The following USP15 variants were observed in gnomAD, a reference collection of about 807,000 sequenced individuals.
USP15 encodes the protein ubiquitin specific peptidase 15, also known as ubiquitin carboxyl-terminal hydrolase 15.
USP15 carries 18 observed loss-of-function variants against 127.1 expected under a neutral mutation model. The observed-to-expected ratio is 0.14, with a 90% CI of 0.10 to 0.21. USP15 has a LOEUF of 0.21. Among genes scored for constraint, USP15 ranks in the 10% least tolerant of loss-of-function variants. The pLI, the probability that USP15 is intolerant of heterozygous loss-of-function variation, is 1.00. For missense variants in USP15, 805 were observed against 1,159.9 expected (o/e 0.69, Z 4.44); for synonymous variants, 364 against 393.7 (o/e 0.92, Z 0.89).
rs139166271 is a variant in USP15 at position 62,384,139 on chromosome 12, T to C, written c.1310T>C (p.Ile437Thr). 1.1e-4 allele frequency: 179 copies of C among 1,613,040 alleles called. No individual in the cohort carries two copies. In the African/African-American group the frequency reaches 2.1e-3, roughly 19 times the overall value. The change falls in exon 11 of 22, where the codon ATA becomes ACA. Residue 437 changes from isoleucine (I) to threonine (T), a missense_variant. By Grantham distance (89) the Ile-to-Thr change is moderately conservative (BLOSUM62 -1). This residue lies in a region of USP15 where 84 missense variants were observed against 210.3 expected (regional missense o/e 0.40). Transcript: ENST00000280377. ...CGAAATGATTCTATCATAGTAGATA[T>C]ATTTCATGGCCTTTTCAAATCAACT... ...LKRNDSIIVDIFHGLFKSTLV... is the reference protein window; with the variant it reads ...LKRNDSIIVDTFHGLFKSTLV...
chr12:62,325,986 C>G, intron 6 of USP15, 53 bp downstream of exon 6: 1 of 1,471,708 alleles, frequency 6.8e-7, no homozygotes. Flanking sequence ...GCCCTTGATG[C>G]TAGATAATCA....
intron 2 of USP15, among the ~76,000 whole-genome samples, chr12:62,294,815 CTTA>C (rs1343203894): frequency 6.6e-6 from 1 of 152,104 alleles, no homozygotes; most frequent in African/African-American, 2.4e-5. Flanking sequence ...CTATATACCT[CTTA>C]TTATGGGTAA....
At chr12:62,357,933 G>C (rs943218437) in intron 8 of USP15, among the ~76,000 whole-genome samples, 1 of 152,058 alleles carries the variant, frequency 6.6e-6, no homozygotes, top group South Asian at 2.1e-4. Flanking sequence ...ATAACTAATA[G>C]AATAGATTCT....
At chr12:62,387,969 G>C (rs1196240222) in intron 11 of USP15, among the ~76,000 whole-genome samples, 1 of 152,148 alleles carries the variant, frequency 6.6e-6, no homozygotes, top group Non-Finnish European at 1.5e-5. Flanking sequence ...GCAAGAGACA[G>C]AAAAGTACCT....
At chr12:62,280,342 A>G (rs2063612526) in intron 1 of USP15, among the ~76,000 whole-genome samples, 1 of 152,188 alleles carries the variant, frequency 6.6e-6, no homozygotes. Flanking sequence ...GAAAGATTAT[A>G]GTTGTTAACT....
chr12:62,363,727 A>G (rs2066388730), intron 8 of USP15, among the ~76,000 whole-genome samples: 1 of 151,228 alleles, frequency 6.6e-6, no homozygotes, highest in Non-Finnish European at 1.5e-5. Flanking sequence ...CCTCTCTCCC[A>G]TGACTGCTGG....
intron 3 of USP15, among the ~76,000 whole-genome samples, chr12:62,309,674 C>G (rs778565191): frequency 6.6e-6 from 1 of 151,904 alleles, no homozygotes; most frequent in Non-Finnish European, 1.5e-5. Context: ...GTTAGCAAGA[C>G]AAATCCAGCA....
At chr12:62,355,580 G>T (rs1017144035) in intron 8 of USP15, 105 bp downstream of exon 8, 5 of 1,267,348 alleles carry the variant, frequency 3.9e-6, no homozygotes, top group Admixed American at 2.6e-5. Flanking sequence ...TGTTTTGAAA[G>T]TTCATTTTTC....
chr12:62,305,008 TAG>T lies in USP15; in HGVS notation c.348+2091_348+2092del, dbSNP rs1420006747. ...CTAAATGATTTGTCAATAGAAAATA[TAG>T]AGTCTAAAGCTTAGAGAGACAAAAG... On this transcript the variant is annotated intron_variant, in intron 3 of 21. Transcript: ENST00000280377. 4.4e-5 allele frequency: 9 copies of T among 205,526 alleles called. No homozygotes were observed. The Admixed American group carries it at 4.4e-4, about 10-fold the overall frequency. The allele number at this position is 205,526 out of a possible 1,614,324, so 12.7% of individuals were successfully genotyped here. A position where few individuals can be genotyped will look rare whatever the true frequency, so the allele number is the denominator to read the frequency against.
In USP15 at chr12:62,405,924, T is replaced by C. The variant is rs1337515903; in HGVS notation, c.*1549T>C. The C allele has an allele frequency of 6.6e-6, 1 of 152,282 alleles. No individual in the cohort carries two copies. Among genetic ancestry groups the C allele is most frequent in the Non-Finnish European group, 1.5e-5 (1 of 67,934 alleles). The allele number at this position is 152,282 out of a possible 1,614,324, so 9.4% of individuals were successfully genotyped here. The stretch of plus-strand genomic sequence containing the variant: ...ATCATGGCTTTGCTTTATATCTTGA[T>C]ATTAAAGCTGGTTTATCATCCTGGT... On this transcript the variant is annotated 3_prime_UTR_variant, in exon 22 of 22. Coordinates refer to ENST00000280377, the MANE Select transcript of USP15 (RefSeq NM_001252078.2).
intron 6 of USP15, among the ~76,000 whole-genome samples, chr12:62,341,810 C>T (rs1232124291): frequency 1.3e-5 from 2 of 152,146 alleles, no homozygotes; most frequent in Admixed American, 1.3e-4. Flanking sequence ...CTGCCCTTAA[C>T]GTTGTTTCCT....
intron 3 of USP15, among the ~76,000 whole-genome samples, chr12:62,309,869 CT>C (rs1278388297): frequency 6.6e-6 from 1 of 151,304 alleles, no homozygotes; most frequent in East Asian, 1.9e-4. Flanking sequence ...AAAACTAGGA[CT>C]AGAAATCGCC....
Position 62,355,479 on chromosome 12 carries a change from G to A in USP15, c.915+4G>A, listed in dbSNP as rs370489748. The A allele has an allele frequency of 2.3e-5, 37 of 1,579,552 alleles. No individual in the cohort carries two copies. The highest frequency in any genetic ancestry group is 3.2e-5 in the Non-Finnish European group (37 of 1,166,608). ...TTTCATGAACTCAGCTATTCAGGTA[G>A]GTCTTTGTAAACAAAATGAAACTCA... On this transcript the variant is annotated splice_donor_region_variant and intron_variant, in intron 8 of 21. Coordinates refer to ENST00000280377, the MANE Select transcript of USP15 (RefSeq NM_001252078.2).
chr12:62,267,270 C>T (rs2063216228), intron 1 of USP15: 1 of 152,076 alleles, frequency 6.6e-6, no homozygotes, highest in African/African-American at 2.4e-5. Context: ...AATGTAGATC[C>T]TTTAGATTTT....
At chr12:62,267,131 G>A (rs1052845424) in intron 1 of USP15, 1 of 151,984 alleles carries the variant, frequency 6.6e-6, no homozygotes, top group African/African-American at 2.4e-5. Flanking sequence ...TCTTCCCTGA[G>A]TAATGTCAGT....
In USP15 at chr12:62,302,770, G is replaced by GT. The variant is rs1431650676; in HGVS notation, c.218-17dup. Reference sequence around the variant, plus strand: ...CAAAGTATTTAGAGTTAGGTATTGAGTTTATTTTTTCTTTTGCAGATGGTG... The same window carrying GT: ...CAAAGTATTTAGAGTTAGGTATTGAGTTTTATTTTTTCTTTTGCAGATGGTG... On this transcript the variant is annotated intron_variant, in intron 2 of 21. Transcript: ENST00000280377. 6.3e-7 allele frequency: 1 copy of GT among 1,598,030 alleles called. No homozygotes were observed. The highest frequency in any genetic ancestry group is 2.2e-5 in the East Asian group (1 of 44,608).
At chr12:62,315,481 A>G (rs1017100948) in intron 4 of USP15, among the ~76,000 whole-genome samples, 7 of 152,060 alleles carry the variant, frequency 4.6e-5, no homozygotes, top group African/African-American at 1.4e-4. Flanking sequence ...GGTAAAGAAT[A>G]GATTGAATAA....
intron 1 of USP15, among the ~76,000 whole-genome samples, chr12:62,285,057 T>C (rs2063751490): frequency 6.6e-6 from 1 of 152,166 alleles, no homozygotes. Context: ...GTTATTAACT[T>C]CTGTTGGTAA....
intron 21 of USP15, among the ~76,000 whole-genome samples, chr12:62,402,284 CAG>C (rs1158189672): frequency 2.6e-5 from 4 of 151,874 alleles, no homozygotes; most frequent in Admixed American, 2.0e-4. Context: ...CCATTCTAAA[CAG>C]AGTTAAAAAG....
Sources: gnomAD v4.1 joint callset for allele counts (sites outside exome capture counted in the v4.1 genomes callset) on GRCh38, gnomAD v4.1.1 for gene constraint, gnomAD v4.1.1 regional missense constraint, MANE v1.5 for transcripts, NCBI Gene and HGNC (gene_info 2026-07-23, HGNC 2026-07-21) for gene names.